The following SRGAP3 variants were observed in gnomAD, a reference collection of about 807,000 sequenced individuals.
The protein encoded by SRGAP3 is SLIT-ROBO Rho GTPase activating protein 3.
In SRGAP3, 39 loss-of-function variants were observed where a neutral mutation model predicts 121.1. That is an observed-to-expected ratio of 0.32 (90% CI 0.25 to 0.42). SRGAP3 has a LOEUF of 0.42. Ranked by LOEUF, SRGAP3 falls within the 10% of genes least tolerant of loss-of-function variation. SRGAP3 has a pLI of 1.00. For missense variants in SRGAP3, 1,213 were observed against 1,470.6 expected (o/e 0.82, Z 2.86); for synonymous variants, 601 against 570.0 (o/e 1.05, Z -0.77).
intron 1 of SRGAP3, among the ~76,000 whole-genome samples, chr3:9,209,765 G>C (rs1214620908): frequency 6.6e-6 from 1 of 152,188 alleles, no homozygotes; most frequent in East Asian, 1.9e-4. Context: ...AATGCATAAT[G>C]GTAGAGCCAT....
intron 1 of SRGAP3, among the ~76,000 whole-genome samples, chr3:9,132,005 G>C (rs934044304): frequency 2.0e-5 from 3 of 152,164 alleles, no homozygotes; most frequent in South Asian, 2.1e-4. Context: ...ACCGTATGGA[G>C]AGCAAGATTC....
At chr3:9,168,400 G>T (rs867457801) in intron 1 of SRGAP3, among the ~76,000 whole-genome samples, 5 of 152,206 alleles carry the variant, frequency 3.3e-5, no homozygotes, top group African/African-American at 7.2e-5. Context: ...GCTCAGGACT[G>T]GAGCTGAGGC....
intron 3 of SRGAP3, among the ~76,000 whole-genome samples, chr3:9,297,026 A>G (rs1954964431): frequency 6.6e-6 from 1 of 152,158 alleles, no homozygotes; most frequent in East Asian, 1.9e-4. Context: ...CTGGGACTAC[A>G]GGTGTGCACC....
At chr3:9,115,516 G>A (rs1166805495) in intron 2 of SRGAP3, among the ~76,000 whole-genome samples, 1 of 152,142 alleles carries the variant, frequency 6.6e-6, no homozygotes, top group Non-Finnish European at 1.5e-5. Context: ...AGGATTCCAG[G>A]GAATTTGGTG....
chr3:9,185,129 G>T (rs1951555349), intron 1 of SRGAP3, among the ~76,000 whole-genome samples: 1 of 152,200 alleles, frequency 6.6e-6, no homozygotes, highest in African/African-American at 2.4e-5. Context: ...ATTCCCAAGG[G>T]TCATAGGCCC....
At chr3:8,993,827 T>C (rs1169676889) in intron 19 of SRGAP3, 2 of 168,474 alleles carry the variant, frequency 1.2e-5, no homozygotes, top group Admixed American at 5.7e-5. Flanking sequence ...TTCCATGGCT[T>C]TCAAAGGAAT....
At chr3:9,188,973 T>C (rs936015177) in intron 1 of SRGAP3, among the ~76,000 whole-genome samples, 3 of 152,188 alleles carry the variant, frequency 2.0e-5, no homozygotes, top group Admixed American at 6.5e-5. Flanking sequence ...CATTGAAGGA[T>C]GGTAGAAAGA....
At chr3:9,316,687 T>C (rs1387331514) in intron 3 of SRGAP3, among the ~76,000 whole-genome samples, 1 of 152,150 alleles carries the variant, frequency 6.6e-6, no homozygotes, top group Non-Finnish European at 1.5e-5. Context: ...AGCAATCTCA[T>C]ATAATTTTTT....
intron 14 of SRGAP3, among the ~76,000 whole-genome samples, chr3:9,022,350 T>A (rs1943969583): frequency 6.6e-6 from 1 of 151,802 alleles, no homozygotes; most frequent in Middle Eastern, 3.2e-3. Context: ...AATAAATAAA[T>A]AAAATACAGG....
chr3:9,124,978 G>T, intron 1 of SRGAP3, 61 bp from the exon 2 acceptor site: 1 of 1,592,078 alleles, frequency 6.3e-7, no homozygotes, highest in Non-Finnish European at 8.6e-7. Flanking sequence ...ACTGGGGCCC[G>T]CTCTGCTGCT....
intron 1 of SRGAP3, among the ~76,000 whole-genome samples, chr3:9,199,200 G>A (rs1411358222): frequency 6.6e-6 from 1 of 152,188 alleles, no homozygotes; most frequent in Non-Finnish European, 1.5e-5. Context: ...CATTTGCAAT[G>A]GGCTTAATCA....
intron 1 of SRGAP3, among the ~76,000 whole-genome samples, chr3:9,149,266 C>T (rs1349289561): frequency 6.6e-6 from 1 of 151,914 alleles, no homozygotes; most frequent in Non-Finnish European, 1.5e-5. Context: ...CTAGAGAGCC[C>T]ATCTGGCACA....
In SRGAP3 at chr3:9,010,395, G is replaced by A; in HGVS notation, c.2148-8C>T. On this transcript the variant is annotated splice_polypyrimidine_tract_variant and splice_region_variant and intron_variant, in intron 17 of 21. Transcript: ENST00000383836. ...TCGCTGTGTGGGCTGTCACTGCAAG[G>A]AAACACGGGAATGGGACTCACTGCG... is the stretch of plus-strand genomic sequence containing the variant. The A allele has an allele frequency of 6.2e-7, 1 of 1,614,036 alleles. No individual in the cohort carries two copies. Among genetic ancestry groups the A allele is most frequent in the African/African-American group, 1.3e-5 (1 of 74,926 alleles).
chr3:9,304,615 G>A (rs747033884), intron 3 of SRGAP3, among the ~76,000 whole-genome samples: 11 of 152,106 alleles, frequency 7.2e-5, no homozygotes, highest in Non-Finnish European at 1.2e-4. Flanking sequence ...AAGCTACAGC[G>A]AGTGGCCGGT....
At chr3:9,205,245 T>C (rs1952223296) in intron 1 of SRGAP3, among the ~76,000 whole-genome samples, 1 of 152,288 alleles carries the variant, frequency 6.6e-6, no homozygotes, top group Admixed American at 6.5e-5. Flanking sequence ...ATATATTTTC[T>C]TTAATACAAT....
intron 3 of SRGAP3, among the ~76,000 whole-genome samples, chr3:9,262,402 G>C (rs1954271626): frequency 6.6e-6 from 1 of 151,806 alleles, no homozygotes; most frequent in South Asian, 2.1e-4. Flanking sequence ...CCAATTAAAA[G>C]ACATAGACTG....
At chr3:9,185,178 C>A (rs149543164) in intron 1 of SRGAP3, among the ~76,000 whole-genome samples, 431 of 152,296 alleles carry the variant, frequency 2.8e-3, no homozygotes, top group Admixed American at 5.3e-3. Context: ...CTGACTGGGG[C>A]ATTTGTGGTT....
chr3:9,049,155 C>T (rs867233715), intron 9 of SRGAP3: 1 of 312,490 alleles, frequency 3.2e-6, no homozygotes, highest in Non-Finnish European at 6.4e-6. Flanking sequence ...TAGAGGAGGG[C>T]CTCTAACATC....
At position 9,241,350 on chromosome 3, in the gene SRGAP3, A is replaced by G. The variant is rs2125236937; in HGVS notation, c.67+7535T>C. Among the ~76,000 whole-genome samples, 3 of 152,344 alleles carry G rather than the reference A, an allele frequency of 2.0e-5. No homozygotes were observed. The South Asian group carries it at 6.2e-4, about 32-fold the overall frequency. On this transcript the variant is annotated intron_variant, in intron 1 of 21. Coordinates refer to ENST00000383836, the MANE Select transcript of SRGAP3 (RefSeq NM_014850.4). ...TAGGAGTTTCTGGAAAGGAAATGTC[A>G]TCTCCAACATATAAACTCTAGTAGT...
Sources: allele counts gnomAD v4.1 joint callset (sites outside exome capture counted in the v4.1 genomes callset), GRCh38; gene constraint gnomAD v4.1.1; transcripts MANE v1.5; gene names NCBI Gene and HGNC (gene_info 2026-07-23, HGNC 2026-07-21).